Variants in PDE4D observed in about 807,000 individuals in gnomAD.
PDE4D encodes phosphodiesterase 4D.
PDE4D carries 24 observed loss-of-function variants against 87.4 expected under a neutral mutation model. The observed-to-expected ratio is 0.27, with a 90% CI of 0.20 to 0.39. The LOEUF (loss-of-function observed/expected upper bound fraction) is 0.39. Among genes scored for constraint, PDE4D ranks in the 10% least tolerant of loss-of-function variants. PDE4D has a pLI of 1.00. For missense variants in PDE4D, 714 were observed against 1,041.0 expected, an observed-to-expected ratio of 0.69 and a Z score of 4.32; for synonymous variants, 384 against 383.2, an observed-to-expected ratio of 1.00 and a Z score of -0.02.
intron 1 of PDE4D, among the ~76,000 whole-genome samples, chr5:59,614,206 C>T (rs1283369029): frequency 2.0e-5 from 3 of 152,146 alleles, no homozygotes; most frequent in Admixed American, 6.5e-5. Flanking sequence ...GTTCAAAGAA[C>T]ACTCTGCTCT....
chr5:60,258,408 C>G (rs1020943304), intron 1 of PDE4D, among the ~76,000 whole-genome samples: 1 of 151,772 alleles, frequency 6.6e-6, no homozygotes, highest in African/African-American at 2.4e-5. Flanking sequence ...AGAAATTAAA[C>G]AAAATAATAA....
At chr5:60,030,360 G>A (rs1351102867) in intron 2 of PDE4D, among the ~76,000 whole-genome samples, 1 of 152,192 alleles carries the variant, frequency 6.6e-6, no homozygotes, top group Non-Finnish European at 1.5e-5. Flanking sequence ...TGAGGCAGGA[G>A]AATGGCGTGA....
At chr5:59,314,490 A>C (rs533943055) in intron 1 of PDE4D, 1 of 152,286 alleles carries the variant, frequency 6.6e-6, no homozygotes, top group South Asian at 2.1e-4. Context: ...GAGAACTGGG[A>C]ACAGAATCTC....
At chr5:59,059,885 T>C (rs1762882359) in intron 5 of PDE4D, among the ~76,000 whole-genome samples, 1 of 152,106 alleles carries the variant, frequency 6.6e-6, no homozygotes, top group African/African-American at 2.4e-5. Context: ...CTGCTAAATG[T>C]CCCCTAATAT....
intron 1 of PDE4D, among the ~76,000 whole-genome samples, chr5:59,298,040 G>A (rs1052380830): frequency 5.9e-5 from 9 of 151,816 alleles, no homozygotes; most frequent in Non-Finnish European, 1.3e-4. Flanking sequence ...GTGAGGGGAG[G>A]TACTGGAGCT....
intron 2 of PDE4D, among the ~76,000 whole-genome samples, chr5:60,044,025 T>C (rs975348086): frequency 3.3e-5 from 5 of 152,282 alleles, no homozygotes; most frequent in Admixed American, 3.3e-4. Flanking sequence ...TTCTCTTCTG[T>C]AGCTTCTTTC....
intron 1 of PDE4D, among the ~76,000 whole-genome samples, chr5:59,658,081 A>G (rs1017306954): frequency 2.6e-5 from 4 of 152,132 alleles, no homozygotes; most frequent in African/African-American, 4.8e-5. Flanking sequence ...AGCTTAATAA[A>G]CGCATATTAA....
chr5:59,169,438 T>C (rs1208539711), intron 5 of PDE4D, among the ~76,000 whole-genome samples: 1 of 152,142 alleles, frequency 6.6e-6, no homozygotes, highest in East Asian at 1.9e-4. Flanking sequence ...CAAAGGTAGA[T>C]GTGATACTTG....
chr5:60,513,086 A>G (rs1238510378), intron 1 of PDE4D, among the ~76,000 whole-genome samples: 1 of 152,238 alleles, frequency 6.6e-6, no homozygotes, highest in East Asian at 1.9e-4. Context: ...TGGAGAGCAA[A>G]TAATAATGAT....
intron 1 of PDE4D, among the ~76,000 whole-genome samples, chr5:60,384,625 T>C (rs982054209): frequency 6.6e-6 from 1 of 152,162 alleles, no homozygotes. Context: ...ACTCCTTCAC[T>C]GTAGCAAGTT....
At chr5:60,371,880 A>G (rs1761058335) in intron 1 of PDE4D, among the ~76,000 whole-genome samples, 1 of 152,196 alleles carries the variant, frequency 6.6e-6, no homozygotes, top group Admixed American at 6.5e-5. Context: ...TTGTCAGTAC[A>G]CCAAACATTA....
intron 1 of PDE4D, among the ~76,000 whole-genome samples, chr5:59,530,443 A>G (rs1423629797): frequency 6.6e-6 from 1 of 152,178 alleles, no homozygotes; most frequent in Non-Finnish European, 1.5e-5. Flanking sequence ...ATATAAAATG[A>G]CATAGTATTT....
intron 1 of PDE4D, among the ~76,000 whole-genome samples, chr5:59,570,092 C>A (rs963285881): frequency 6.6e-6 from 1 of 152,072 alleles, no homozygotes; most frequent in East Asian, 1.9e-4. Context: ...TCCTGGAGAC[C>A]GAATATTCAT....
At chr5:60,198,581 T>TA (rs1162302034) in intron 1 of PDE4D, among the ~76,000 whole-genome samples, 1 of 151,622 alleles carries the variant, frequency 6.6e-6, no homozygotes, top group Non-Finnish European at 1.5e-5. Flanking sequence ...ATGATGAACT[T>TA]ACATGTCAGC....
At chr5:60,016,198 A>C (rs1387805956) in intron 2 of PDE4D, among the ~76,000 whole-genome samples, 1 of 152,156 alleles carries the variant, frequency 6.6e-6, no homozygotes, top group Non-Finnish European at 1.5e-5. Context: ...AGTGAATATA[A>C]AAGTTATGTT....
chr5:60,177,821 T>G (rs191323057), intron 2 of PDE4D, among the ~76,000 whole-genome samples: 180 of 152,288 alleles, frequency 1.2e-3, no homozygotes, highest in African/African-American at 4.1e-3. Flanking sequence ...CCCAAAGTCA[T>G]GTAACGGTAA....
chr5:60,050,339 C>T (rs1769966971), intron 2 of PDE4D, among the ~76,000 whole-genome samples: 1 of 152,106 alleles, frequency 6.6e-6, no homozygotes, highest in African/African-American at 2.4e-5. Flanking sequence ...GACGCTCTCA[C>T]TGGGAGTTGT....
chr5:60,458,233 A>C (rs1746628901), intron 1 of PDE4D, among the ~76,000 whole-genome samples: 1 of 152,032 alleles, frequency 6.6e-6, no homozygotes. Flanking sequence ...AAAAGTACAA[A>C]AAAATTAGCT....
chr5:58,997,630 C>T (rs955013086), intron 6 of PDE4D, among the ~76,000 whole-genome samples: 2 of 151,338 alleles, frequency 1.3e-5, no homozygotes, highest in African/African-American at 4.9e-5. Context: ...TTGTTTTTGG[C>T]CTAAGTAGTC....
Sources: allele counts gnomAD v4.1 joint callset (sites outside exome capture counted in the v4.1 genomes callset), GRCh38; gene constraint gnomAD v4.1.1; transcripts MANE v1.5; gene names NCBI Gene and HGNC (gene_info 2026-07-23, HGNC 2026-07-21).